ZYG11A: variants seen among roughly 807,000 people sequenced by gnomAD.
ZYG11A encodes the protein protein zyg-11 homolog A.
Under a neutral mutation model 77.2 loss-of-function variants are expected in ZYG11A, and 62 were observed. The ratio of observed to expected loss-of-function variants is 0.80; its 90% CI spans 0.65 to 0.99. The LOEUF is 0.99. ZYG11A is among the 50% of genes least tolerant of loss of function. The pLI, the probability that ZYG11A is intolerant of heterozygous loss-of-function variation, is 0.00. For synonymous variants in ZYG11A, 315 were observed against 324.6 expected (o/e 0.97, Z 0.32); for missense variants, 828 against 896.8 (o/e 0.92, Z 0.98).
chr1:52,846,318 A>C (rs7524469), intron 1 of ZYG11A, among the ~76,000 whole-genome samples: 140 of 4,166 alleles, frequency 0.034, 8 homozygotes, highest in South Asian at 0.098. Flanking sequence ...TTTTATATAT[A>C]TATATATATA....
chr1:52,855,543 G>A (rs1206225218), intron 2 of ZYG11A, among the ~76,000 whole-genome samples: 1 of 152,172 alleles, frequency 6.6e-6, no homozygotes, highest in African/African-American at 2.4e-5. Flanking sequence ...GAAACCTTGT[G>A]CCCGTTAGAT....
In ZYG11A at chr1:52,842,793, G is replaced by A. The variant is rs921194631; in HGVS notation, c.-91G>A. ...CGTGTGCCTCGCAGGCGTGGTGGGC[G>A]CGTCCTGGCAGCCGCCCGCTTGGTT... On this transcript the variant is annotated 5_prime_UTR_variant, in exon 1 of 14. Coordinates refer to ENST00000371528, the MANE Select transcript of ZYG11A (RefSeq NM_001004339.3). The A allele has an allele frequency of 1.6e-6, 2 of 1,249,630 alleles. No individual in the cohort carries two copies. Among genetic ancestry groups the A allele is most frequent in the African/African-American group, 1.6e-5 (1 of 62,938 alleles). 77.4% of individuals were successfully genotyped at this position (1,249,630 alleles called of 1,614,324 possible).
At chr1:52,890,525 C>A (rs905231650) in intron 13 of ZYG11A, among the ~76,000 whole-genome samples, 1 of 151,698 alleles carries the variant, frequency 6.6e-6, no homozygotes, top group African/African-American at 2.4e-5. Flanking sequence ...TGAGCCACGA[C>A]ACCTGGCCAT....
At chr1:52,891,732 TTGAAATGCCTCAATTAC>T (rs1646546745) in intron 13 of ZYG11A, among the ~76,000 whole-genome samples, 2 of 151,856 alleles carry the variant, frequency 1.3e-5, no homozygotes, top group Non-Finnish European at 2.9e-5. Context: ...CAAGCTGAAA[TTGAAATGCCTCAATTAC>T]TAAGACCGCC....
intron 8 of ZYG11A, among the ~76,000 whole-genome samples, chr1:52,869,903 A>G (rs1479298613): frequency 9.9e-4 from 68 of 68,610 alleles, no homozygotes; most frequent in South Asian, 2.0e-3. Context: ...CTGGCCGGGC[A>G]GGGGGCTGAC....
At chr1:52,844,717 G>A (rs751251638) in intron 1 of ZYG11A, among the ~76,000 whole-genome samples, 28 of 149,694 alleles carry the variant, frequency 1.9e-4, no homozygotes, top group Non-Finnish European at 3.3e-4. Context: ...TTTTTGAGAC[G>A]GAGTCTCCCA....
Position 52,860,782 on chromosome 1 carries a change from A to C in ZYG11A, c.1060A>C (p.Arg354=). The part of the protein sequence containing the change: ...SQISEALSRY[R]NRSCFVKEAL... ...GATTTCAGAAGCACTGAGCCGATAC[A>C]GGAACAGATCATGTTTTGTGAAGGA... Residue 354 remains arginine, a synonymous_variant, in exon 4 of 14, where the codon AGG becomes CGG. Coordinates refer to ENST00000371528, the MANE Select transcript of ZYG11A (RefSeq NM_001004339.3). The C allele has an allele frequency of 3.9e-6, 6 of 1,551,692 alleles. No individual in the cohort carries two copies. Among genetic ancestry groups the C allele is most frequent in the Non-Finnish European group, 5.2e-6 (6 of 1,146,956 alleles).
chr1:52,860,851 A>G lies in ZYG11A; in HGVS notation c.1129A>G (p.Thr377Ala), dbSNP rs1257886171. The G allele has an allele frequency of 1.3e-6, 2 of 1,551,206 alleles. No individual in the cohort carries two copies. The highest frequency in any genetic ancestry group is 2.0e-5 in the Admixed American group (1 of 50,886). Reference protein sequence around the residue: ...LFTETFSMEVTMPAILKLVAI... With the variant: ...LFTETFSMEVAMPAILKLVAI... Reference sequence around the variant, plus strand: ...CACAGAGACATTTTCAATGGAGGTAACCATGCCTGCTATTTTAAAGGTAAT... The same window carrying G: ...CACAGAGACATTTTCAATGGAGGTAGCCATGCCTGCTATTTTAAAGGTAAT... Residue 377 changes from threonine to alanine, a missense_variant, in exon 4 of 14, where the codon ACC becomes GCC. Thr to Ala is a moderately conservative substitution (Grantham distance 58). Coordinates refer to ENST00000371528, the MANE Select transcript of ZYG11A (RefSeq NM_001004339.3).
chr1:52,889,475 G>T (rs1646504442), intron 13 of ZYG11A, among the ~76,000 whole-genome samples: 1 of 151,254 alleles, frequency 6.6e-6, no homozygotes, highest in Non-Finnish European at 1.5e-5. Flanking sequence ...AAGCAACAGG[G>T]TCTTGCTATG....
chr1:52,881,834 C>A, intron 11 of ZYG11A, 169 bp downstream of exon 11: 1 of 525,958 alleles, frequency 1.9e-6, no homozygotes, highest in Non-Finnish European at 3.2e-6. Context: ...CATTTTGTTG[C>A]ATATGACTTA....
In ZYG11A at chr1:52,881,677, A is replaced by G. The variant is rs1646365141; in HGVS notation, c.1944+12A>G. The G allele has an allele frequency of 6.6e-7, 1 of 1,525,860 alleles. No individual in the cohort carries two copies. Among genetic ancestry groups the G allele is most frequent in the African/African-American group, 1.4e-5 (1 of 72,102 alleles). 94.5% of individuals were successfully genotyped at this position (1,525,860 alleles called of 1,614,324 possible). On this transcript the variant is annotated intron_variant, in intron 11 of 13. Coordinates refer to ENST00000371528, the MANE Select transcript of ZYG11A (RefSeq NM_001004339.3). ...TTCTCCAAGATCTGGTACAGGAACC[A>G]CATTCTTATTTATAAAATCCAGAGT...
chr1:52,851,037 C>G (rs1645699746), intron 1 of ZYG11A, among the ~76,000 whole-genome samples: 1 of 151,920 alleles, frequency 6.6e-6, no homozygotes, highest in South Asian at 2.1e-4. Context: ...AATTCAGAGA[C>G]TTAAAATTTT....
intron 11 of ZYG11A, among the ~76,000 whole-genome samples, chr1:52,882,568 TAAGAA>T (rs2150019038): frequency 6.6e-6 from 1 of 152,348 alleles, no homozygotes; most frequent in Admixed American, 6.5e-5. Flanking sequence ...AGTAGCTTCC[TAAGAA>T]AAGAGTCTTG....
rs1299753873 is a variant in ZYG11A at position 52,885,845 on chromosome 1, C to T, written c.1957C>T (p.Gln653Ter). The T allele has an allele frequency of 6.5e-7, 1 of 1,548,080 alleles. No homozygotes were observed. The highest frequency in any genetic ancestry group is 1.2e-5 in the South Asian group (1 of 83,168). The change falls in exon 12 of 14, where the codon CAG becomes TAG. Residue 653 changes from glutamine (Q) to a stop codon, truncating the protein, a stop_gained. Coordinates refer to ENST00000371528, the MANE Select transcript of ZYG11A (RefSeq NM_001004339.3). LOFTEE classifies it high-confidence loss of function. ...TLLQDLHATI[Q>*]NWPSSSCKMT... ...GTTTTTGGAGTAGCATGCAACCATA[C>T]AGAATTGGCCAAGTTCAAGTTGTAA...
At position 52,857,578 on chromosome 1, in the gene ZYG11A, G is replaced by A; in HGVS notation, c.837G>A (p.Gln279=). 6.4e-7 allele frequency: 1 copy of A among 1,551,988 alleles called. No homozygotes were observed. The change falls in exon 3 of 14, where the codon CAG becomes CAA. Residue 279 remains glutamine, a synonymous_variant. Transcript: ENST00000371528. ...LKSDLAFHLL[Q]QKDILPNVVS... is the part of the protein sequence containing the mutation. Reference sequence around the variant, plus strand: ...CAGACCTAGCTTTTCATTTGCTACAGCAGAAGGATATCCTGCCCAATGTTG... The same window carrying A: ...CAGACCTAGCTTTTCATTTGCTACAACAGAAGGATATCCTGCCCAATGTTG...
chr1:52,851,565 T>C (rs1420546949), intron 1 of ZYG11A, among the ~76,000 whole-genome samples: 1 of 151,312 alleles, frequency 6.6e-6, no homozygotes, highest in Admixed American at 6.6e-5. Flanking sequence ...ACCTGGCTAA[T>C]TTTGGTATTT....
At chr1:52,847,872 A>T (rs6676074) in intron 1 of ZYG11A, among the ~76,000 whole-genome samples, 1,340 of 79,300 alleles carry the variant, frequency 0.017, 32 homozygotes, top group African/African-American at 0.064. Context: ...TTATTTATTT[A>T]TTTATTTATT....
chr1:52,877,651 C>T, intron 8 of ZYG11A, 31 bp from the exon 9 acceptor site: 2 of 1,529,822 alleles, frequency 1.3e-6, no homozygotes, highest in Admixed American at 2.1e-5. Context: ...ATTAGAGCAT[C>T]TAACTCCCTC....
chr1:52,893,133 C>A lies in ZYG11A; in HGVS notation c.*176C>A. On this transcript the variant is annotated 3_prime_UTR_variant, in exon 14 of 14. Transcript: ENST00000371528. ...TTGTATGATAGCTGTAATCCCAAGT[C>A]AAGTTGGACTCATTCTGCAGCCTTT... 1 of 601,742 alleles carries A rather than the reference C, an allele frequency of 1.7e-6. No individual in the cohort carries two copies. Among genetic ancestry groups the A allele is most frequent in the Non-Finnish European group, 2.8e-6 (1 of 355,856 alleles). 37.3% of individuals were successfully genotyped at this position (601,742 alleles called of 1,614,324 possible).
Sources: gnomAD v4.1 joint callset for allele counts (sites outside exome capture counted in the v4.1 genomes callset) on GRCh38, gnomAD v4.1.1 for gene constraint, MANE v1.5 for transcripts, NCBI Gene and HGNC (gene_info 2026-07-23, HGNC 2026-07-21) for gene names.